KCND3: variants seen among roughly 807,000 people sequenced by gnomAD.
KCND3 encodes A-type voltage-gated potassium channel KCND3.
In KCND3, 9 loss-of-function variants were observed where a neutral mutation model predicts 51.1. That is an observed-to-expected ratio of 0.18 (90% CI 0.11 to 0.31). KCND3 has a LOEUF of 0.31. KCND3 is among the 10% of genes least tolerant of loss of function. The probability of loss-of-function intolerance (pLI) is 1.00; values close to 1 mark genes in which losing one functional copy is unlikely to be tolerated. For synonymous variants in KCND3, 349 were observed against 368.0 expected (o/e 0.95, Z 0.59); for missense variants, 526 against 903.8 (o/e 0.58, Z 5.36).
rs558458561 is a variant in KCND3 at position 111,901,453 on chromosome 1, G to A, written c.1106+80168C>T. 3.9e-5 allele frequency among the ~76,000 whole-genome samples: 6 copies of A among 152,298 alleles called. No individual in the cohort carries two copies. In the South Asian group the frequency reaches 1.2e-3, roughly 32 times the overall value. Reference sequence around the variant, plus strand: ...AGACTCAGCCTGCATTCTAAGGGCCGGGGCAAAACTTTCATTTGTTTCTTC... The same window carrying A: ...AGACTCAGCCTGCATTCTAAGGGCCAGGGCAAAACTTTCATTTGTTTCTTC... On this transcript the variant is annotated intron_variant, in intron 2 of 7. Coordinates refer to ENST00000302127, the MANE Select transcript of KCND3 (RefSeq NM_001378969.1).
chr1:111,904,413 T>C (rs1487380210), intron 2 of KCND3, among the ~76,000 whole-genome samples: 1 of 152,206 alleles, frequency 6.6e-6, no homozygotes, highest in Non-Finnish European at 1.5e-5. Context: ...CTTTCCTAGC[T>C]GCTATAAATC....
At chr1:111,846,524 T>C (rs776067492) in intron 2 of KCND3, among the ~76,000 whole-genome samples, 3 of 152,150 alleles carry the variant, frequency 2.0e-5, no homozygotes, top group African/African-American at 7.2e-5. Flanking sequence ...GTTGAGCCTA[T>C]GGACAATGGA....
chr1:111,820,582 G>A (rs1320463107), intron 2 of KCND3, among the ~76,000 whole-genome samples: 1 of 152,182 alleles, frequency 6.6e-6, no homozygotes, highest in Admixed American at 6.5e-5. Flanking sequence ...TGGCTCTAAA[G>A]TTTTTGCTTC....
At chr1:111,935,896 A>G (rs1672196532) in intron 2 of KCND3, among the ~76,000 whole-genome samples, 1 of 152,232 alleles carries the variant, frequency 6.6e-6, no homozygotes, top group Admixed American at 6.5e-5. Context: ...TTTCAATTAT[A>G]CACACATACA....
intron 2 of KCND3, among the ~76,000 whole-genome samples, chr1:111,959,593 G>A (rs542859464): frequency 2.4e-4 from 37 of 152,082 alleles, no homozygotes; most frequent in Non-Finnish European, 4.6e-4. Flanking sequence ...TAGGGCCAGC[G>A]AGGGCAGTAA....
intron 2 of KCND3, among the ~76,000 whole-genome samples, chr1:111,935,443 A>G (rs1307323130): frequency 1.3e-5 from 2 of 152,220 alleles, no homozygotes; most frequent in African/African-American, 4.8e-5. Context: ...AGCTACATAA[A>G]TAAAATCCTT....
chr1:111,877,216 G>A (rs1251669406), intron 2 of KCND3, among the ~76,000 whole-genome samples: 2 of 152,230 alleles, frequency 1.3e-5, no homozygotes, highest in Non-Finnish European at 2.9e-5. Flanking sequence ...CTCCCGTGAA[G>A]TGCCAGGCAC....
chr1:111,949,526 G>A (rs940352704), intron 2 of KCND3, among the ~76,000 whole-genome samples: 1 of 152,192 alleles, frequency 6.6e-6, no homozygotes. Context: ...GAAAAGGTGA[G>A]GGGGTAGAGA....
chr1:111,943,347 G>A (rs1672619372), intron 2 of KCND3, among the ~76,000 whole-genome samples: 1 of 150,862 alleles, frequency 6.6e-6, no homozygotes, highest in African/African-American at 2.4e-5. Context: ...CACCCAGCCT[G>A]CAGCCCCAGC....
intron 2 of KCND3, among the ~76,000 whole-genome samples, chr1:111,854,604 C>G (rs1667977405): frequency 6.6e-6 from 1 of 152,186 alleles, no homozygotes; most frequent in African/African-American, 2.4e-5. Flanking sequence ...TGGGCAGAGG[C>G]TGGTTCTCTG....
At chr1:111,779,875 T>C (rs1041995579) in intron 5 of KCND3, among the ~76,000 whole-genome samples, 43 of 152,224 alleles carry the variant, frequency 2.8e-4, no homozygotes, top group African/African-American at 9.4e-4. Flanking sequence ...CCTACACAAA[T>C]TCAGCCCAAG....
At chr1:111,945,723 A>G (rs1017973071) in intron 2 of KCND3, among the ~76,000 whole-genome samples, 10 of 152,178 alleles carry the variant, frequency 6.6e-5, no homozygotes, top group African/African-American at 2.4e-4. Flanking sequence ...TTTTCTGCCA[A>G]ACAAGAACCT....
intron 2 of KCND3, among the ~76,000 whole-genome samples, chr1:111,795,574 T>G (rs907302689): frequency 3.3e-5 from 5 of 152,198 alleles, no homozygotes; most frequent in Non-Finnish European, 7.3e-5. Flanking sequence ...ATCAGGCTTG[T>G]CTGACTTCAG....
At chr1:111,804,693 T>G (rs1020549606) in intron 2 of KCND3, among the ~76,000 whole-genome samples, 3 of 152,248 alleles carry the variant, frequency 2.0e-5, no homozygotes, top group African/African-American at 4.8e-5. Context: ...CCCAGTATTT[T>G]GTGACTGTTA....
At chr1:111,784,144 C>CACACACACACACA (rs59742862) in intron 3 of KCND3, among the ~76,000 whole-genome samples, 8 of 149,242 alleles carry the variant, frequency 5.4e-5, no homozygotes, top group South Asian at 4.3e-4. Context: ...CACACACACA[C>CACACACACACACA]CAGTCCAAGT....
rs144014931 is a variant in KCND3, at chr1:111,897,408, T to C, written c.1106+84213A>G. Among the ~76,000 whole-genome samples the C allele has an allele frequency of 2.7e-3, 410 of 152,342 alleles. 4 individuals carry two copies. The highest frequency in any genetic ancestry group is 0.014 in the Middle Eastern group (4 of 294). On this transcript the variant is annotated intron_variant, in intron 2 of 7. Transcript: ENST00000302127. ...TCAGTCCCAGATGTCCTTTCAGACA[T>C]TGCATCTGGTTTTGTGGCTTCCTCC...
Position 111,778,453 on chromosome 1 carries a change from G to C in KCND3, c.1501C>G (p.Arg501Gly). The change falls in exon 6 of 8, where the codon CGA becomes GGA. Residue 501 changes from arginine to glycine, a missense_variant. This residue lies in a region of KCND3 where 266 missense variants were observed against 305.5 expected (regional missense o/e 0.87). Transcript: ENST00000302127. ...AGTTATACCTTGATGGTGGAGGTTCGTACAGATAACAGGGGATCATCCACA... is the reference window on the plus strand; with the variant it reads ...AGTTATACCTTGATGGTGGAGGTTCCTACAGATAACAGGGGATCATCCACA... Reference protein sequence around the residue: ...YLVDDPLLSVRTSTIKNHEFI... With the variant: ...YLVDDPLLSVGTSTIKNHEFI... 1 of 1,613,802 alleles carries C rather than the reference G, an allele frequency of 6.2e-7. No individual in the cohort carries two copies. The highest frequency in any genetic ancestry group is 1.7e-5 in the Admixed American group (1 of 60,022).
At chr1:111,790,430 G>C (rs1664778126) in intron 2 of KCND3, among the ~76,000 whole-genome samples, 1 of 152,178 alleles carries the variant, frequency 6.6e-6, no homozygotes, top group South Asian at 2.1e-4. Context: ...TTCCCATGAT[G>C]ATGTAAACTG....
intron 2 of KCND3, among the ~76,000 whole-genome samples, chr1:111,865,762 TG>T (rs1479185179): frequency 6.6e-6 from 1 of 152,226 alleles, no homozygotes; most frequent in African/African-American, 2.4e-5. Flanking sequence ...TGGAGTGCAG[TG>T]GTGTGATCAT....
Sources: allele counts gnomAD v4.1 joint callset (sites outside exome capture counted in the v4.1 genomes callset), GRCh38; gene constraint gnomAD v4.1.1; regional missense constraint gnomAD v4.1.1; transcripts MANE v1.5; gene names NCBI Gene and HGNC (gene_info 2026-07-23, HGNC 2026-07-21).